The following LPIN3 variants were observed in gnomAD, a reference collection of about 807,000 sequenced individuals.
LPIN3 encodes phosphatidate phosphatase LPIN3.
LPIN3 carries 82 observed loss-of-function variants against 94.7 expected under a neutral mutation model. The observed-to-expected ratio is 0.87, with a 90% CI of 0.72 to 1.04. The LOEUF is 1.04. Among genes scored for constraint, LPIN3 ranks in the 50% least tolerant of loss-of-function variants. The pLI, the probability that LPIN3 is intolerant of heterozygous loss-of-function variation, is 0.00. For missense variants in LPIN3, 996 were observed against 1,090.5 expected (o/e 0.91, Z 1.22); for synonymous variants, 418 against 443.3 (o/e 0.94, Z 0.72).
chr20:41,350,558 G>C (rs998520224), intron 7 of LPIN3, among the ~76,000 whole-genome samples, 161 bp downstream of exon 7: 17 of 152,184 alleles, frequency 1.1e-4, no homozygotes, highest in African/African-American at 4.1e-4. Context: ...GACAGATGCT[G>C]CATGTGTGGA....
intron 3 of LPIN3, among the ~76,000 whole-genome samples, chr20:41,348,072 G>T (rs1428103711): frequency 1.3e-5 from 2 of 152,162 alleles, no homozygotes; most frequent in African/African-American, 4.8e-5. Context: ...TGTTCGCACA[G>T]GGGAGGCAGG....
chr20:41,357,939 C>T lies in LPIN3; in HGVS notation c.2097C>T (p.Thr699=). The part of the protein sequence containing the change: ...SARAIGMADL[T]KGYLQWVSEG... ...GGGCCATTGGCATGGCGGACCTCACCAAGGGGTACCTGCAGTGGGTGAGCG... is the reference window on the plus strand; with the variant it reads ...GGGCCATTGGCATGGCGGACCTCACTAAGGGGTACCTGCAGTGGGTGAGCG... Residue 699 remains threonine (T), a synonymous_variant, in exon 17 of 20, where the codon ACC becomes ACT. Transcript: ENST00000373257. The T allele has an allele frequency of 6.2e-7, 1 of 1,614,064 alleles. No homozygotes were observed. Among genetic ancestry groups the T allele is most frequent in the Non-Finnish European group, 8.5e-7 (1 of 1,179,982 alleles).
intron 5 of LPIN3, among the ~76,000 whole-genome samples, chr20:41,349,519 C>CA (rs1568997333): frequency 1.3e-5 from 2 of 151,468 alleles, no homozygotes; most frequent in Non-Finnish European, 3.0e-5. Flanking sequence ...TTGCCATCTT[C>CA]TTTTTTTTTC....
At chr20:41,352,910 A>G (rs775890597) in intron 11 of LPIN3, 43 bp downstream of exon 11, 3 of 1,604,492 alleles carry the variant, frequency 1.9e-6, no homozygotes, top group African/African-American at 2.7e-5. Flanking sequence ...GAAGGTAGCC[A>G]TAGACTCAGG....
At chr20:41,357,778 A>G (rs2046264776) in intron 16 of LPIN3, 104 bp from the exon 17 acceptor site, 2 of 1,462,836 alleles carry the variant, frequency 1.4e-6, no homozygotes, top group Non-Finnish European at 1.9e-6. Context: ...CAAAGGTTGG[A>G]ACATCAGAGT....
chr20:41,347,428 G>A lies in LPIN3; in HGVS notation c.193-124G>A. 12 of 850,398 alleles carry A rather than the reference G, an allele frequency of 1.4e-5. 2 individuals carry two copies. In the South Asian group the frequency reaches 1.8e-4, roughly 13 times the overall value. 52.7% of individuals were successfully genotyped at this position (850,398 alleles called of 1,614,324 possible). A position where few individuals can be genotyped will look rare whatever the true frequency, so the allele number is the denominator to read the frequency against. ...CAGCCAGGCACTTGAGGTCCGGAGGGAGGGAACCCCAGCAAGTATGGTGTT... is the reference window on the plus strand; with the variant it reads ...CAGCCAGGCACTTGAGGTCCGGAGGAAGGGAACCCCAGCAAGTATGGTGTT... On this transcript the variant is annotated intron_variant, in intron 2 of 19. Transcript: ENST00000373257.
Position 41,356,026 on chromosome 20 carries a change from G to T in LPIN3, c.1795G>T (p.Asp599Tyr), listed in dbSNP as rs751547953. Residue 599 changes from aspartate to tyrosine, a missense_variant, in exon 14 of 20, where the codon GAT (aspartate) becomes TAT (tyrosine). Coordinates refer to ENST00000373257, the MANE Select transcript of LPIN3 (RefSeq NM_022896.3). Reference protein sequence around the residue: ...TYKKSLRLSSDQIRRLNLQEG... With the variant: ...TYKKSLRLSSYQIRRLNLQEG... The stretch of plus-strand genomic sequence containing the variant: ...CAAGAAGTCCCTCCGCCTCTCCTCC[G>T]ATCAGATCGTAAGTGTGGGTTGTCT... 3 of 1,613,794 alleles carry T rather than the reference G, an allele frequency of 1.9e-6. No individual in the cohort carries two copies. In the South Asian group the frequency reaches 3.3e-5, roughly 18 times the overall value.
intron 6 of LPIN3, 33 bp downstream of exon 6, chr20:41,349,927 C>A: frequency 1.3e-6 from 2 of 1,588,198 alleles, no homozygotes; most frequent in South Asian, 2.3e-5. Context: ...CAGGCCCGGC[C>A]TTTCAGGGGC....
rs771463560 is a variant in LPIN3, at chr20:41,357,413, C to T, written c.2005C>T (p.Gln669Ter). ...CCAGCTGGGGAAAGACTGGACACAC[C>T]AGGGCATCACCAGTCTCTATCACAA... ...LPQLGKDWTHQGITSLYHKIQ... is the reference protein window; with the variant it reads ...LPQLGKDWTH Residue 669 changes from glutamine to a stop codon, truncating the protein, a stop_gained, in exon 16 of 20, where the codon CAG becomes TAG. Transcript: ENST00000373257. LOFTEE classifies it high-confidence loss of function. The T allele has an allele frequency of 6.2e-7, 1 of 1,613,934 alleles. No homozygotes were observed. Among genetic ancestry groups the T allele is most frequent in the Non-Finnish European group, 8.5e-7 (1 of 1,179,978 alleles).
In LPIN3 at chr20:41,357,502, G is replaced by A; in HGVS notation, c.2039+55G>A. 2.7e-6 allele frequency: 4 copies of A among 1,471,852 alleles called. No homozygotes were observed. The South Asian group carries it at 3.5e-5, about 13-fold the overall frequency. The allele number at this position is 1,471,852 out of a possible 1,614,324, so 91.2% of individuals were successfully genotyped here. On this transcript the variant is annotated intron_variant, in intron 16 of 19. Coordinates refer to ENST00000373257, the MANE Select transcript of LPIN3 (RefSeq NM_022896.3). ...GGCGAGGCCCCCAGCTCTAGAGAGG[G>A]AGTGACAGGACAGGACATCTTGGGG...
Position 41,345,207 on chromosome 20 carries a change from C to G in LPIN3, c.-8-589C>G, listed in dbSNP as rs554073246. Among the ~76,000 whole-genome samples, 39 of 152,370 alleles carry G rather than the reference C, an allele frequency of 2.6e-4. 1 individual carries two copies. The highest frequency in any genetic ancestry group is 8.7e-4 in the African/African-American group (36 of 41,588). On this transcript the variant is annotated intron_variant, in intron 1 of 19. Coordinates refer to ENST00000373257, the MANE Select transcript of LPIN3 (RefSeq NM_022896.3). ...ACTCATTAGCACAGTCACCCATTAT[C>G]CAGCAGGGCCCTGGGCCTGCTATCT... is the stretch of plus-strand genomic sequence containing the variant.
rs1264530444 is a variant in LPIN3 at position 41,352,607 on chromosome 20, G to T, written c.1365G>T (p.Glu455Asp). Residue 455 changes from glutamate (E) to aspartate (D), a missense_variant and splice_region_variant, in exon 10 of 20, where the codon GAG becomes GAT. Coordinates refer to ENST00000373257, the MANE Select transcript of LPIN3 (RefSeq NM_022896.3). ...CCCTCACTCTGCCTCTGTGCCCAGA[G>T]AAATTCAACCAGCACAGCGTCTCTT... ...GLADSRDISL[E>D]KFNQHSVSYQ... The T allele has an allele frequency of 2.5e-6, 4 of 1,614,090 alleles. No individual in the cohort carries two copies. The highest frequency in any genetic ancestry group is 3.4e-6 in the Non-Finnish European group (4 of 1,179,956).
Position 41,352,688 on chromosome 20 carries a change from AATCAATGGAAAGTAAGTCCCAGAGCTG to A in LPIN3, c.1447_1457+16del. The A allele has an allele frequency of 6.2e-7, 1 of 1,614,128 alleles. No individual in the cohort carries two copies. Among genetic ancestry groups the A allele is most frequent in the Non-Finnish European group, 8.5e-7 (1 of 1,179,980 alleles). ...TGGATGACCCAAACCTAGTGGTGAAAATCAATGGAAAGTAAGTCCCAGAGCTGGGGCTGCTGGCAGCCGGAGAGTCAT... is the reference window on the plus strand; with the variant it reads ...TGGATGACCCAAACCTAGTGGTGAAAGGGCTGCTGGCAGCCGGAGAGTCAT... On this transcript the variant is annotated splice_donor_variant and splice_donor_5th_base_variant and coding_sequence_variant and intron_variant, in exon 10 of 20. Transcript: ENST00000373257. LOFTEE classifies it high-confidence loss of function.
intron 1 of LPIN3, among the ~76,000 whole-genome samples, chr20:41,341,667 T>C (rs6029638): frequency 0.39 from 59,572 of 152,156 alleles, 13,517 homozygotes; most frequent in East Asian, 0.82. Flanking sequence ...CCATTGTGCA[T>C]GGCCTTGAGT....
intron 11 of LPIN3, 147 bp downstream of exon 11, chr20:41,353,014 GAC>G (rs1307136947): frequency 1.2e-6 from 1 of 855,662 alleles, no homozygotes; most frequent in Non-Finnish European, 1.9e-6. Flanking sequence ...TGGGAGAGGC[GAC>G]ACACGTCCCT....
rs1428836256 is a variant in LPIN3 at position 41,358,534 on chromosome 20, C to G, written c.2403C>G (p.His801Gln). 2 of 1,614,094 alleles carry G rather than the reference C, an allele frequency of 1.2e-6. No homozygotes were observed. Among genetic ancestry groups the G allele is most frequent in the Admixed American group, 1.7e-5 (1 of 60,028 alleles). The change falls in exon 19 of 20, where the codon CAC becomes CAG. Residue 801 changes from histidine to glutamine, a missense_variant. Physicochemically the swap from His to Gln is conservative, Grantham distance 24. Transcript: ENST00000373257. ...TCATCCAGGAGCTCATAAAGAACCA[C>G]AAATCCACGTGAGGCTAAACCCTGC... ...GELIQELIKN[H>Q]KSTYERLGEV...
chr20:41,347,758 C>T, intron 3 of LPIN3, 111 bp downstream of exon 3: 1 of 906,124 alleles, frequency 1.1e-6, no homozygotes, highest in African/African-American at 1.7e-5. Flanking sequence ...GAGCACCCCA[C>T]CAGCAGAGGT....
Position 41,347,804 on chromosome 20 carries a change from C to T in LPIN3, c.288+157C>T, listed in dbSNP as rs544835052. Among the ~76,000 whole-genome samples the T allele has an allele frequency of 4.6e-5, 7 of 152,304 alleles. No individual in the cohort carries two copies. The South Asian group carries it at 1.4e-3, about 32-fold the overall frequency. On this transcript the variant is annotated intron_variant, in intron 3 of 19. Transcript: ENST00000373257. ...GGTATCAGTTGGGGCTGGCCTCTGG[C>T]ACACGTGATATGCTGTGGGGGCCCA... is the stretch of plus-strand genomic sequence containing the variant.
In LPIN3 at chr20:41,345,976, T is replaced by C; in HGVS notation, c.173T>C (p.Leu58Pro). 6.2e-7 allele frequency: 1 copy of C among 1,613,758 alleles called. No individual in the cohort carries two copies. The highest frequency in any genetic ancestry group is 8.5e-7 in the Non-Finnish European group (1 of 1,179,838). Residue 58 changes from leucine (L) to proline (P), a missense_variant, in exon 2 of 20, where the codon CTG becomes CCG. By Grantham distance (98) the Leu-to-Pro change is moderately conservative (BLOSUM62 -3). Transcript: ENST00000373257. The part of the protein sequence containing the change: ...FHVRFGKLGV[L>P]RSREKVVDIE... ...GTGCGTTTTGGCAAGCTGGGCGTCC[T>C]GCGGTCGCGGGAGAAGGTGGTGAGT...
Sources: allele counts gnomAD v4.1 joint callset (sites outside exome capture counted in the v4.1 genomes callset), GRCh38; gene constraint gnomAD v4.1.1; transcripts MANE v1.5; gene names NCBI Gene and HGNC (gene_info 2026-07-23, HGNC 2026-07-21).